The following CAPN5 variants were observed in gnomAD, a reference collection of about 807,000 sequenced individuals.
CAPN5 encodes the protein calpain-5.
In CAPN5, 54 loss-of-function variants were observed where a neutral mutation model predicts 73.0. The ratio of observed to expected loss-of-function variants is 0.74; its 90% CI spans 0.59 to 0.93. The LOEUF (loss-of-function observed/expected upper bound fraction) is 0.93, where lower values mean the gene tolerates loss of function less well. Ranked by LOEUF, CAPN5 falls within the 40% of genes least tolerant of loss-of-function variation. The pLI, the probability that CAPN5 is intolerant of heterozygous loss-of-function variation, is 0.00. For missense variants in CAPN5, 785 were observed against 882.9 expected (o/e 0.89, Z 1.41); for synonymous variants, 335 against 356.9 (o/e 0.94, Z 0.69).
chr11:77,073,085 C>T, intron 1 of CAPN5: 1 of 1,289,806 alleles, frequency 7.8e-7, no homozygotes, highest in Non-Finnish European at 1.0e-6. Context: ...GCTGTATCTA[C>T]CTGCTGTCAG....
intron 1 of CAPN5, among the ~76,000 whole-genome samples, chr11:77,080,345 TTGC>T (rs1172471714): frequency 7.9e-5 from 12 of 152,194 alleles, no homozygotes; most frequent in African/African-American, 2.7e-4. Context: ...TGAGGCCCTC[TTGC>T]TGCTGGGCTT....
At chr11:77,123,041 A>G (rs782717948) in intron 12 of CAPN5, among the ~76,000 whole-genome samples, 3 of 152,220 alleles carry the variant, frequency 2.0e-5, no homozygotes, top group Non-Finnish European at 2.9e-5. Context: ...CCACCTGGAA[A>G]GTGGCGTTGA....
At chr11:77,116,733 C>G (rs1184253327) in intron 7 of CAPN5, among the ~76,000 whole-genome samples, 2 of 152,260 alleles carry the variant, frequency 1.3e-5, no homozygotes, top group Non-Finnish European at 2.9e-5. Context: ...CAGCCTGCCT[C>G]CAGGGGCCCT....
intron 3 of CAPN5, chr11:77,103,196 G>A (rs187135428): frequency 1.4e-5 from 22 of 1,613,808 alleles, no homozygotes; most frequent in Admixed American, 1.7e-5. Context: ...ATTGGAATGA[G>A]GCCGACGCCC....
intron 10 of CAPN5, among the ~76,000 whole-genome samples, chr11:77,121,327 C>T (rs903698933): frequency 2.6e-5 from 4 of 152,240 alleles, no homozygotes; most frequent in Non-Finnish European, 5.9e-5. Context: ...ATTTCCTGTC[C>T]CATGGGGGTG....
chr11:77,067,670 T>TGTGTGTGTGTGG (rs1565251294), intron 1 of CAPN5, among the ~76,000 whole-genome samples: 1 of 141,678 alleles, frequency 7.1e-6, no homozygotes, highest in African/African-American at 2.7e-5. Flanking sequence ...TGTGTGTGTG[T>TGTGTGTGTGTGG]TGCGGGAGTG....
intron 1 of CAPN5, among the ~76,000 whole-genome samples, chr11:77,067,614 G>C (rs895589217): frequency 7.0e-6 from 1 of 142,662 alleles, no homozygotes; most frequent in Non-Finnish European, 1.5e-5. Flanking sequence ...TTTTCTCCTT[G>C]ACTGCAGGGC....
chr11:77,093,807 G>T lies in CAPN5; in HGVS notation c.291G>T (p.Trp97Cys). The T allele has an allele frequency of 6.2e-7, 1 of 1,610,144 alleles. No individual in the cohort carries two copies. ...CACTTGCCTCCCGGGAGTCGCTGTGGCAAAAGGTGAGGCCTCGGGCAGAGT... is the reference window on the plus strand; with the variant it reads ...CACTTGCCTCCCGGGAGTCGCTGTGTCAAAAGGTGAGGCCTCGGGCAGAGT... ...CSSLASRESL[W>C]QKVIPDWKEQ... is the part of the protein sequence containing the mutation. Residue 97 changes from tryptophan to cysteine, a missense_variant, in exon 3 of 13, where the codon TGG becomes TGT. Transcript: ENST00000648180.
rs782394080 is a variant in CAPN5 at position 77,084,970 on chromosome 11, G to T, written c.84G>T (p.Glu28Asp). 1 of 1,613,472 alleles carries T rather than the reference G, an allele frequency of 6.2e-7. No individual in the cohort carries two copies. The highest frequency in any genetic ancestry group is 1.7e-5 in the Admixed American group (1 of 60,006). Residue 28 changes from glutamate to aspartate, a missense_variant, in exon 2 of 13, where the codon GAG (glutamate) becomes GAT (aspartate). Glu to Asp is a conservative substitution (Grantham distance 45). Coordinates refer to ENST00000648180, the MANE Select transcript of CAPN5 (RefSeq NM_004055.5). Reference protein sequence around the residue: ...RDCRRRKVLFEDPLFPATDDS... With the variant: ...RDCRRRKVLFDDPLFPATDDS... ...GCCGGCGCAGGAAGGTGCTCTTCGA[G>T]GACCCCCTCTTCCCCGCCACTGACG...
chr11:77,112,326 T>C (rs1239436251), intron 3 of CAPN5, among the ~76,000 whole-genome samples: 6 of 151,222 alleles, frequency 4.0e-5, no homozygotes, highest in Non-Finnish European at 8.9e-5. Flanking sequence ...CAGGGAGGCA[T>C]GAGAAAGAGG....
intron 3 of CAPN5, 30 bp downstream of exon 3, chr11:77,093,843 C>G: frequency 6.2e-7 from 1 of 1,602,208 alleles, no homozygotes; most frequent in East Asian, 2.2e-5. Flanking sequence ...GGGCAGGGTG[C>G]TGGGGAGTGT....
chr11:77,082,446 G>A (rs1555034756), intron 1 of CAPN5, among the ~76,000 whole-genome samples: 2 of 152,262 alleles, frequency 1.3e-5, no homozygotes, highest in Non-Finnish European at 2.9e-5. Context: ...GTGGCCTTCA[G>A]TGCTCTGCCT....
At chr11:77,072,277 C>A (rs2135405350) in intron 1 of CAPN5, among the ~76,000 whole-genome samples, 1 of 152,346 alleles carries the variant, frequency 6.6e-6, no homozygotes, top group African/African-American at 2.4e-5. Context: ...ACAATCTACC[C>A]TTTGAGATCC....
chr11:77,091,428 T>C (rs3781686), intron 2 of CAPN5, among the ~76,000 whole-genome samples: 27,197 of 152,246 alleles, frequency 0.18, 2,766 homozygotes, highest in Admixed American at 0.24. Context: ...GCTGCTGCCA[T>C]CTGCCCATGC....
chr11:77,118,371 C>A lies in CAPN5; in HGVS notation c.1167+19C>A. 1 of 1,543,792 alleles carries A rather than the reference C, an allele frequency of 6.5e-7. No homozygotes were observed. Among genetic ancestry groups the A allele is most frequent in the Non-Finnish European group, 8.8e-7 (1 of 1,141,044 alleles). On this transcript the variant is annotated intron_variant, in intron 8 of 12. Transcript: ENST00000648180. The stretch of plus-strand genomic sequence containing the variant: ...CCCACAGGTGGGCGTTCTCAGGAAC[C>A]CCCACCCTGCCCTGTAGCAGCTGCG...
At chr11:77,084,533 G>A (rs1420880207) in intron 1 of CAPN5, among the ~76,000 whole-genome samples, 17 of 152,174 alleles carry the variant, frequency 1.1e-4, no homozygotes, top group East Asian at 3.9e-4. Flanking sequence ...GTCTGATTCC[G>A]TCTGAGGAGG....
At chr11:77,118,776 G>T (rs1047875352) in intron 8 of CAPN5, among the ~76,000 whole-genome samples, 1 of 152,214 alleles carries the variant, frequency 6.6e-6, no homozygotes, top group Non-Finnish European at 1.5e-5. Context: ...CTGGTGCTTG[G>T]TGTGCCTCTG....
rs963271162 is a variant in CAPN5 at position 77,121,988 on chromosome 11, C to T, written c.1542C>T (p.Tyr514=). ...PHTCWSSLCG[Y]PQLVTQVHVL... The stretch of plus-strand genomic sequence containing the variant: ...CCTGCTGGAGCTCCCTCTGTGGCTA[C>T]CCCCAGCTGGTGACCCAGGTACATG... Residue 514 remains tyrosine, a synonymous_variant, in exon 11 of 13, where the codon TAC becomes TAT. Transcript: ENST00000648180. 3.8e-6 allele frequency: 6 copies of T among 1,563,712 alleles called. No individual in the cohort carries two copies. Among genetic ancestry groups the T allele is most frequent in the South Asian group, 2.4e-5 (2 of 84,688 alleles).
At chr11:77,093,953 T>A in intron 3 of CAPN5, 140 bp downstream of exon 3, 1 of 1,212,864 alleles carries the variant, frequency 8.2e-7, no homozygotes, top group Non-Finnish European at 1.1e-6. Context: ...GGGCCCCCAG[T>A]ACTGGCCGAG....
Sources: gnomAD v4.1 joint callset for allele counts (sites outside exome capture counted in the v4.1 genomes callset) on GRCh38, gnomAD v4.1.1 for gene constraint, MANE v1.5 for transcripts, NCBI Gene and HGNC (gene_info 2026-07-23, HGNC 2026-07-21) for gene names.